The following H4C15 variants were observed in gnomAD, a reference collection of about 807,000 sequenced individuals.
The protein encoded by H4C15 is H4 clustered histone 15.
chr1:149,845,276 T>G, the H4C15 span: 1 of 152,214 alleles, frequency 6.6e-6, no homozygotes, highest in African/African-American at 2.4e-5. Flanking sequence ...CCACTGCACA[T>G]TCGGATAAAA....
the H4C15 span, chr1:149,845,386 A>G: frequency 6.6e-6 from 1 of 152,262 alleles, no homozygotes; most frequent in Non-Finnish European, 1.5e-5. Context: ...TCAGGGGGCC[A>G]TATGTGCAAT....
At chr1:149,845,847 T>C in the H4C15 span, 4 of 152,188 alleles carry the variant, frequency 2.6e-5, no homozygotes, top group Non-Finnish European at 4.4e-5. Flanking sequence ...CAAGGATTAA[T>C]TGTAGGTTTT....
chr1:149,844,786 A>G, the H4C15 span: 2 of 150,974 alleles, frequency 1.3e-5, no homozygotes, highest in Admixed American at 6.6e-5. Context: ...TGCTGAATCT[A>G]CCTTATTTTA....
At chr1:149,846,571 A>G in the H4C15 span, 1 of 152,208 alleles carries the variant, frequency 6.6e-6, no homozygotes, top group African/African-American at 2.4e-5. Flanking sequence ...TGGAAAAAAA[A>G]GTACAAAGAC....
the H4C15 span, chr1:149,847,273 G>T: frequency 6.6e-6 from 1 of 152,222 alleles, no homozygotes; most frequent in East Asian, 1.9e-4. Flanking sequence ...GCTATATAAG[G>T]TAATATTCAC....
chr1:149,850,095 C>T, downstream of H4C15: 1 of 458,432 alleles, frequency 2.2e-6, no homozygotes, highest in South Asian at 2.0e-5. Flanking sequence ...AAGAGCAGCC[C>T]TCTAAGGCAA....
the H4C15 span, chr1:149,848,964 C>T: frequency 6.6e-6 from 1 of 152,210 alleles, no homozygotes. Flanking sequence ...ATCTCTCAAA[C>T]TGTCAACTGC....
chr1:149,845,560 A>G, the H4C15 span: 6 of 152,278 alleles, frequency 3.9e-5, no homozygotes, highest in Non-Finnish European at 7.3e-5. Flanking sequence ...GGCAGGAACA[A>G]GCTTGGTGAA....
chr1:149,849,237 G>A (rs1169626610), downstream of H4C15, among the ~76,000 whole-genome samples: 1 of 152,156 alleles, frequency 6.6e-6, no homozygotes, highest in African/African-American at 2.4e-5. Flanking sequence ...TTTATCCGTT[G>A]TTTTTCACAC....
At chr1:149,847,342 A>G in the H4C15 span, 1 of 152,236 alleles carries the variant, frequency 6.6e-6, no homozygotes, top group African/African-American at 2.4e-5. Context: ...TGCCACAGCC[A>G]TTGACTACTG....
downstream of H4C15, among the ~76,000 whole-genome samples, chr1:149,849,822 G>A (rs781914116): frequency 6.6e-6 from 1 of 152,202 alleles, no homozygotes; most frequent in Non-Finnish European, 1.5e-5. Flanking sequence ...GTAGGCACGT[G>A]TTTGTGAACC....
downstream of H4C15, among the ~76,000 whole-genome samples, chr1:149,855,051 CA>C (rs1225194587): frequency 1.3e-4 from 1 of 7,436 alleles, no homozygotes; most frequent in Non-Finnish European, 3.0e-4. Flanking sequence ...GTGTCTCTAC[CA>C]AAAAAAAAAA....
chr1:149,858,725 A>G (rs1315842914), downstream of H4C15, among the ~76,000 whole-genome samples: 328 of 82,544 alleles, frequency 4.0e-3, 71 homozygotes, highest in African/African-American at 0.019. Context: ...TACCTGCATC[A>G]GTGGCTTTCA....
downstream of H4C15, chr1:149,850,498 G>A: frequency 1.2e-6 from 1 of 829,040 alleles, no homozygotes; most frequent in Non-Finnish European, 1.9e-6. Context: ...TGGATCTCCG[G>A]GACGTGATGG....
chr1:149,847,868 T>A, the H4C15 span: 4 of 152,198 alleles, frequency 2.6e-5, no homozygotes, highest in Admixed American at 2.6e-4. Flanking sequence ...ATTACAGTTA[T>A]GCTGCCAGAA....
chr1:149,846,072 T>G, the H4C15 span: 3 of 152,208 alleles, frequency 2.0e-5, 1 homozygote, highest in African/African-American at 7.2e-5. Flanking sequence ...AGTCTGATTC[T>G]TATTTTTTTG....
the H4C15 span, chr1:149,844,705 A>G: frequency 6.6e-6 from 1 of 152,012 alleles, no homozygotes; most frequent in African/African-American, 2.4e-5. Context: ...CCCAAATAGT[A>G]TCTTCCAGGA....
downstream of H4C15, among the ~76,000 whole-genome samples, chr1:149,849,314 T>A (rs2092159293): frequency 6.6e-6 from 1 of 152,246 alleles, no homozygotes; most frequent in Non-Finnish European, 1.5e-5. Context: ...TTTTCATTTT[T>A]AGTAACTTCA....
At chr1:149,848,054 G>A in the H4C15 span, 3 of 151,910 alleles carry the variant, frequency 2.0e-5, no homozygotes. Context: ...GACAGCCCCA[G>A]GAAATTAGTA....
Sources: gnomAD v4.1 joint callset for allele counts (sites outside exome capture counted in the v4.1 genomes callset) on GRCh38, gnomAD v4.1.1 for gene constraint, MANE v1.5 for transcripts, NCBI Gene and HGNC (gene_info 2026-07-23, HGNC 2026-07-21) for gene names.